The following TMPRSS9 variants were observed in gnomAD, a reference collection of about 807,000 sequenced individuals.
The protein encoded by TMPRSS9 is transmembrane serine protease 9.
Under a neutral mutation model 111.4 loss-of-function variants are expected in TMPRSS9, and 113 were observed. The observed-to-expected ratio is 1.01, with a 90% CI of 0.87 to 1.19. TMPRSS9 has a LOEUF of 1.19. TMPRSS9 is among the 50% of genes most tolerant of loss of function. TMPRSS9 has a pLI of 0.00. For synonymous variants in TMPRSS9, 805 were observed against 659.1 expected (o/e 1.22, Z -3.39); for missense variants, 1,803 against 1,513.1 (o/e 1.19, Z -3.18).
chr19:2,385,354 G>A (rs939225784), upstream of TMPRSS9, among the ~76,000 whole-genome samples: 3 of 152,254 alleles, frequency 2.0e-5, no homozygotes, highest in Non-Finnish European at 1.5e-5. Flanking sequence ...GGATCCATGC[G>A]ACACAGGCAG....
chr19:2,387,178 A>G (rs1970495449), upstream of TMPRSS9, among the ~76,000 whole-genome samples: 1 of 151,948 alleles, frequency 6.6e-6, no homozygotes, highest in South Asian at 2.1e-4. Context: ...GCAACATAAC[A>G]AGATTCCCCT....
chr19:2,375,028 C>T (rs905321481), intron 1 of TMPRSS9, among the ~76,000 whole-genome samples: 1 of 152,192 alleles, frequency 6.6e-6, no homozygotes, highest in African/African-American at 2.4e-5. Context: ...ACTCTGGTGT[C>T]TGCTGAGGTC....
In TMPRSS9 at chr19:2,416,831, G is replaced by A. The variant is rs777504206; in HGVS notation, c.2017+22G>A. 1.4e-4 allele frequency: 215 copies of A among 1,584,930 alleles called. 1 individual carries two copies. The highest frequency in any genetic ancestry group is 1.7e-4 in the Non-Finnish European group (204 of 1,167,318). ...AATGGTGAGCGCTGCCCCATCGAGG[G>A]GAACGGTGGATTTATTCTCCAGGGC... On this transcript the variant is annotated intron_variant, in intron 12 of 17. Coordinates refer to ENST00000648592, the Ensembl canonical transcript of TMPRSS9.
At chr19:2,408,850 A>G (rs1481531581) in intron 8 of TMPRSS9, among the ~76,000 whole-genome samples, 1 of 151,488 alleles carries the variant, frequency 6.6e-6, no homozygotes, top group African/African-American at 2.4e-5. Flanking sequence ...TTAGCCAGGC[A>G]TGGTGGTGCG....
At chr19:2,420,755 G>A (rs1036691431) in intron 13 of TMPRSS9, among the ~76,000 whole-genome samples, 1 of 151,920 alleles carries the variant, frequency 6.6e-6, no homozygotes, top group Non-Finnish European at 1.5e-5. Flanking sequence ...TTGTGAGATC[G>A]GTGTCTTGCA....
At position 2,398,403 on chromosome 19, in the gene TMPRSS9, G is replaced by A. The variant is rs189296797; in HGVS notation, c.271-392G>A. Among the ~76,000 whole-genome samples, 25 of 151,962 alleles carry A rather than the reference G, an allele frequency of 1.6e-4. No individual in the cohort carries two copies. In the South Asian group the frequency reaches 2.5e-3, roughly 15 times the overall value. On this transcript the variant is annotated intron_variant, in intron 2 of 17. Transcript: ENST00000648592. ...GAAAACCAAGGCAGGTGGATCACAA[G>A]GTCAGGAGTTCGAGACCAGCCTGGC...
At chr19:2,396,035 G>T (rs1970700539) in intron 1 of TMPRSS9, 1 of 152,626 alleles carries the variant, frequency 6.6e-6, no homozygotes, top group South Asian at 2.1e-4. Context: ...CCAACCAGTG[G>T]TTTTTGAAGA....
intron 1 of TMPRSS9, among the ~76,000 whole-genome samples, chr19:2,361,699 A>G (rs1970200179): frequency 6.6e-6 from 1 of 152,182 alleles, no homozygotes; most frequent in Admixed American, 6.5e-5. Context: ...TCTGTGGCCC[A>G]GGGACCTTCG....
At chr19:2,418,092 G>T (rs754879225) in exon 13 of TMPRSS9, 2 of 1,612,282 alleles carry the variant, frequency 1.2e-6, no homozygotes. Context: ...CTCACAGACC[G>T]CATGATCTGC....
At chr19:2,424,966 G>T in intron 15 of TMPRSS9, 36 bp from the exon 17 acceptor site, 2 of 1,445,868 alleles carry the variant, frequency 1.4e-6, no homozygotes, top group Non-Finnish European at 1.8e-6. Flanking sequence ...GGGGCGTGGG[G>T]GCTCGGGCCG....
intron 1 of TMPRSS9, among the ~76,000 whole-genome samples, chr19:2,367,657 G>A (rs760852341): frequency 2.2e-4 from 33 of 150,954 alleles, no homozygotes; most frequent in East Asian, 3.9e-4. Flanking sequence ...TCTGCCTCCC[G>A]GGTTGACACC....
At position 2,399,003 on chromosome 19, in the gene TMPRSS9, C is replaced by T. The variant is rs1240981146; in HGVS notation, c.339-15C>T. 14 of 1,607,014 alleles carry T rather than the reference C, an allele frequency of 8.7e-6. No individual in the cohort carries two copies. Among genetic ancestry groups the T allele is most frequent in the African/African-American group, 4.0e-5 (3 of 74,900 alleles). ...AGCCCCTCCCTCTCCAAGGGCCTCT[C>T]CTCCATACCTGTAGGGATGGGAACT... On this transcript the variant is annotated splice_polypyrimidine_tract_variant and intron_variant, in intron 3 of 17. Transcript: ENST00000648592.
chr19:2,415,682 G>A, exon 11 of TMPRSS9: 1 of 1,599,718 alleles, frequency 6.3e-7, no homozygotes, highest in Non-Finnish European at 8.5e-7. Context: ...TGTGGGGCCA[G>A]GCCTGCAATG....
At chr19:2,399,781 A>G (rs1970791181) in intron 4 of TMPRSS9, among the ~76,000 whole-genome samples, 1 of 151,918 alleles carries the variant, frequency 6.6e-6, no homozygotes, top group Non-Finnish European at 1.5e-5. Flanking sequence ...GCAATAATGA[A>G]GTCTTGGCTC....
chr19:2,366,292 A>C (rs1234448764), intron 1 of TMPRSS9, among the ~76,000 whole-genome samples: 1 of 152,008 alleles, frequency 6.6e-6, no homozygotes, highest in Admixed American at 6.6e-5. Context: ...GGCTTCAGTG[A>C]GCTGTGATAG....
At chr19:2,409,319 T>G (rs1971048173) in intron 8 of TMPRSS9, among the ~76,000 whole-genome samples, 1 of 151,682 alleles carries the variant, frequency 6.6e-6, no homozygotes, top group Non-Finnish European at 1.5e-5. Flanking sequence ...ATTTTTGTAT[T>G]TTTTAGTAGA....
exon 11 of TMPRSS9, chr19:2,415,774 C>T (rs371109242): frequency 1.3e-5 from 21 of 1,609,988 alleles, no homozygotes; most frequent in Middle Eastern, 1.7e-4. Flanking sequence ...GGAAGGGTCC[C>T]GGCACTTCTG....
rs549503296 is a variant in TMPRSS9 at position 2,408,528 on chromosome 19, G to C, written c.1015G>C (p.Gly339Arg). ...GGAGCTGACCAGCCCTCTGCCTTTC[G>C]GCCGGCACATCCAGCCCGTGTGCCT... Residue 339 changes from glycine (G) to arginine (R), a missense_variant, in exon 8 of 18, where the codon GGC (glycine) becomes CGC (arginine). Gly to Arg is a moderately radical substitution (Grantham distance 125, BLOSUM62 -2). Coordinates refer to ENST00000648592, the Ensembl canonical transcript of TMPRSS9. 5.6e-6 allele frequency: 9 copies of C among 1,613,718 alleles called. No individual in the cohort carries two copies. In the South Asian group the frequency reaches 8.8e-5, roughly 16 times the overall value.
intron 6 of TMPRSS9, among the ~76,000 whole-genome samples, chr19:2,404,057 A>C (rs965590378): frequency 2.6e-5 from 4 of 151,676 alleles, no homozygotes; most frequent in African/African-American, 9.7e-5. Context: ...GGCCCCAGCT[A>C]CTCAGGAGGC....
Sources: allele counts gnomAD v4.1 joint callset (sites outside exome capture counted in the v4.1 genomes callset), GRCh38; gene constraint gnomAD v4.1.1; transcripts MANE v1.5; gene names NCBI Gene and HGNC (gene_info 2026-07-23, HGNC 2026-07-21).